The following PGGT1B variants were observed in gnomAD, a reference collection of about 807,000 sequenced individuals.
The protein encoded by PGGT1B is protein geranylgeranyltransferase type I subunit beta.
In PGGT1B, 30 loss-of-function variants were observed where a neutral mutation model predicts 46.1. That is an observed-to-expected ratio of 0.65 (90% CI 0.49 to 0.88). The LOEUF (loss-of-function observed/expected upper bound fraction) is 0.88. PGGT1B is among the 40% of genes least tolerant of loss of function. The pLI is 0.00. For missense variants in PGGT1B, 376 were observed against 455.9 expected, an observed-to-expected ratio of 0.82 and a Z score of 1.60; for synonymous variants, 170 against 160.0, an observed-to-expected ratio of 1.06 and a Z score of -0.47.
chr5:115,232,009 G>C lies in PGGT1B; in HGVS notation c.613-988C>G, dbSNP rs1757002055. 3.3e-5 allele frequency among the ~76,000 whole-genome samples: 5 copies of C among 152,160 alleles called. No individual in the cohort carries two copies. The South Asian group carries it at 1.0e-3, about 32-fold the overall frequency. ...GCTCATGTTATTCAGTTCACACACA[G>C]ATAGCAGACTGTGGTTGTGTTCTTT... is the stretch of plus-strand genomic sequence containing the variant. On this transcript the variant is annotated intron_variant, in intron 5 of 8. Coordinates refer to ENST00000419445, the MANE Select transcript of PGGT1B (RefSeq NM_005023.4).
intron 6 of PGGT1B, among the ~76,000 whole-genome samples, chr5:115,223,668 T>G (rs1756662617): frequency 6.6e-6 from 1 of 152,170 alleles, no homozygotes; most frequent in African/African-American, 2.4e-5. Flanking sequence ...GAGGATAAAT[T>G]TGTGCTGCTT....
intron 6 of PGGT1B, among the ~76,000 whole-genome samples, chr5:115,223,704 G>A (rs1161527508): frequency 1.3e-5 from 2 of 152,176 alleles, no homozygotes; most frequent in Non-Finnish European, 2.9e-5. Context: ...GTGCTAAAAT[G>A]TTATGGCAGC....
At chr5:115,256,031 GT>G in intron 1 of PGGT1B, among the ~76,000 whole-genome samples, 2 of 152,234 alleles carry the variant, frequency 1.3e-5, no homozygotes, top group Middle Eastern at 3.4e-3. Flanking sequence ...GGCCCTTTCG[GT>G]TTGTTTTTGT....
At chr5:115,233,371 A>G (rs1234910445) in intron 5 of PGGT1B, among the ~76,000 whole-genome samples, 1 of 151,860 alleles carries the variant, frequency 6.6e-6, no homozygotes, top group Non-Finnish European at 1.5e-5. Flanking sequence ...AGGATGACTA[A>G]GGAAGAATAA....
At chr5:115,237,077 C>A (rs939201759) in intron 4 of PGGT1B, among the ~76,000 whole-genome samples, 1 of 152,128 alleles carries the variant, frequency 6.6e-6, no homozygotes, top group African/African-American at 2.4e-5. Flanking sequence ...AAAGACTACA[C>A]TGAAATATTG....
At position 115,262,823 on chromosome 5, in the gene PGGT1B, G is replaced by C. The variant is rs1026098043; in HGVS notation, c.29C>G (p.Ala10Gly). MAATEDERLAGSGEGERLDF... is the reference protein window; with the variant it reads MAATEDERLGGSGEGERLDF... ...CAGCCGCTCTCCCTCACCGCTCCCT[G>C]CTAGCCTCTCATCCTCAGTGGCCGC... is the stretch of plus-strand genomic sequence containing the variant. The change falls in exon 1 of 9, where the codon GCA becomes GGA. Residue 10 changes from alanine (A) to glycine (G), a missense_variant. By Grantham distance (60) the Ala-to-Gly change is moderately conservative. This residue lies in a region of PGGT1B where 154 missense variants were observed against 142.3 expected (regional missense o/e 1.08). Transcript: ENST00000419445. 1 of 1,612,508 alleles carries C rather than the reference G, an allele frequency of 6.2e-7. No individual in the cohort carries two copies.
At chr5:115,245,227 G>A (rs1241055731) in intron 2 of PGGT1B, among the ~76,000 whole-genome samples, 1 of 152,118 alleles carries the variant, frequency 6.6e-6, no homozygotes, top group African/African-American at 2.4e-5. Context: ...TATAGTAGTG[G>A]CTCAATAAAA....
At position 115,208,032 on chromosome 5, in the gene PGGT1B, C is replaced by T. The variant is rs1362124338; in HGVS notation, c.*4370G>A. Reference sequence around the variant, plus strand: ...CTTAATATGAATAGTAACAGATTATCTAGTATTGAACTACCCTTGCATTCT... The same window carrying T: ...CTTAATATGAATAGTAACAGATTATTTAGTATTGAACTACCCTTGCATTCT... On this transcript the variant is annotated 3_prime_UTR_variant, in exon 9 of 9. Transcript: ENST00000419445. The T allele has an allele frequency of 1.3e-5, 2 of 151,914 alleles. No homozygotes were observed. The allele number at this position is 151,914 out of a possible 1,614,324, so 9.4% of individuals were successfully genotyped here. A position where few individuals can be genotyped will look rare whatever the true frequency, so the allele number is the denominator to read the frequency against.
At chr5:115,243,330 T>C (rs1320599839) in intron 2 of PGGT1B, among the ~76,000 whole-genome samples, 3 of 152,186 alleles carry the variant, frequency 2.0e-5, no homozygotes, top group Admixed American at 6.5e-5. Flanking sequence ...GTTAAGCATA[T>C]CATGCCTCAT....
chr5:115,212,681 AAAGT>A lies in PGGT1B; in HGVS notation c.953-102_953-99del, dbSNP rs902041881. 6.7e-5 allele frequency: 52 copies of A among 779,080 alleles called. No homozygotes were observed. The African/African-American group carries it at 7.3e-4, about 11-fold the overall frequency. The allele number at this position is 779,080 out of a possible 1,614,324, so 48.3% of individuals were successfully genotyped here. A position where few individuals can be genotyped will look rare whatever the true frequency, so the allele number is the denominator to read the frequency against. ...TATTTACCAGCCCATCACTCCATTA[AAAGT>A]AAGTTTAGAGAAATGCTAATATAGT... On this transcript the variant is annotated intron_variant, in intron 8 of 8. Transcript: ENST00000419445.
chr5:115,257,196 C>T (rs929035140), intron 1 of PGGT1B, among the ~76,000 whole-genome samples: 5 of 150,064 alleles, frequency 3.3e-5, no homozygotes, highest in African/African-American at 4.9e-5. Flanking sequence ...GCTTAAGACA[C>T]GCATACCCCA....
At chr5:115,252,134 T>C (rs756313522) in intron 2 of PGGT1B, among the ~76,000 whole-genome samples, 40 of 152,118 alleles carry the variant, frequency 2.6e-4, no homozygotes, top group African/African-American at 9.4e-4. Context: ...TCTGTAACTA[T>C]TGACCAAACT....
chr5:115,221,843 CA>C lies in PGGT1B; in HGVS notation c.823del (p.Trp275GlyfsTer6). The C allele has an allele frequency of 6.3e-7, 1 of 1,586,394 alleles. No individual in the cohort carries two copies. The stretch of plus-strand genomic sequence containing the variant: ...TCTTACCTTCAGAGTTGCTCCCACC[CA>C]AAAAGAATAACAGGTGTCTACAGGC... Reference protein sequence around the residue: ...NKPVDTCYSFWVGATLKLLKI... With the variant: ...NKPVDTCYSFXVGATLKLLKI... On this transcript the variant is annotated frameshift_variant, in exon 7 of 9. Coordinates refer to ENST00000419445, the MANE Select transcript of PGGT1B (RefSeq NM_005023.4). LOFTEE classifies it high-confidence loss of function.
intron 8 of PGGT1B, among the ~76,000 whole-genome samples, chr5:115,216,197 T>C (rs1756410953): frequency 6.6e-6 from 1 of 152,088 alleles, no homozygotes; most frequent in South Asian, 2.1e-4. Context: ...TGGAGGGCAG[T>C]GGTGCAATCT....
chr5:115,215,442 G>A (rs1756386414), intron 8 of PGGT1B, among the ~76,000 whole-genome samples: 1 of 152,116 alleles, frequency 6.6e-6, no homozygotes, highest in South Asian at 2.1e-4. Flanking sequence ...GGGATTACAG[G>A]CACCCACCAC....
At chr5:115,240,050 C>T (rs552141619) in intron 3 of PGGT1B, among the ~76,000 whole-genome samples, 10 of 152,284 alleles carry the variant, frequency 6.6e-5, no homozygotes, top group East Asian at 1.9e-4. Context: ...GTCTCCTAGA[C>T]GCTCAGTCAC....
chr5:115,232,807 T>C (rs1457491989), intron 5 of PGGT1B, among the ~76,000 whole-genome samples: 1 of 151,886 alleles, frequency 6.6e-6, no homozygotes, highest in East Asian at 1.9e-4. Context: ...CTTAAAAGAA[T>C]GTGCAAGTCA....
At chr5:115,228,050 TA>T (rs934908468) in intron 6 of PGGT1B, among the ~76,000 whole-genome samples, 2 of 152,186 alleles carry the variant, frequency 1.3e-5, no homozygotes, top group African/African-American at 4.8e-5. Context: ...AAAATTTTTT[TA>T]AAAAATCAAT....
At chr5:115,256,714 ATT>A (rs1374386497) in intron 1 of PGGT1B, among the ~76,000 whole-genome samples, 2 of 152,176 alleles carry the variant, frequency 1.3e-5, no homozygotes, top group African/African-American at 2.4e-5. Context: ...AAGAGAGAGA[ATT>A]AAAACAAGCC....
Sources: gnomAD v4.1 joint callset for allele counts (sites outside exome capture counted in the v4.1 genomes callset) on GRCh38, gnomAD v4.1.1 for gene constraint, gnomAD v4.1.1 regional missense constraint, MANE v1.5 for transcripts, NCBI Gene and HGNC (gene_info 2026-07-23, HGNC 2026-07-21) for gene names.